Variants in DYNC2H1 observed in about 807,000 individuals in gnomAD.
DYNC2H1 encodes the protein cytoplasmic dynein 2 heavy chain 1.
A neutral mutation model predicts 570.0 loss-of-function variants in DYNC2H1; 410 were observed. The ratio of observed to expected loss-of-function variants is 0.72; its 90% CI spans 0.66 to 0.78. DYNC2H1 has a LOEUF of 0.78. Ranked by LOEUF, DYNC2H1 falls within the 30% of genes least tolerant of loss-of-function variation. The pLI, the probability that DYNC2H1 is intolerant of heterozygous loss-of-function variation, is 0.00. For synonymous variants in DYNC2H1, 1,688 were observed against 1,677.6 expected, an observed-to-expected ratio of 1.01 and a Z score of -0.15; for missense variants, 4,865 against 5,046.4, an observed-to-expected ratio of 0.96 and a Z score of 1.09.
intron 78 of DYNC2H1, among the ~76,000 whole-genome samples, chr11:103,310,042 A>G (rs1268119028): frequency 6.6e-6 from 1 of 152,138 alleles, no homozygotes; most frequent in Non-Finnish European, 1.5e-5. Context: ...CAAAATGATT[A>G]TATGTATGTG....
intron 71 of DYNC2H1, among the ~76,000 whole-genome samples, chr11:103,281,678 C>T (rs937738685): frequency 6.7e-6 from 1 of 148,308 alleles, no homozygotes; most frequent in Non-Finnish European, 1.5e-5. Flanking sequence ...TTTCTTGGCA[C>T]TGGATTCTGC....
intron 50 of DYNC2H1, 41 bp downstream of exon 50, chr11:103,200,195 G>C: frequency 7.3e-7 from 1 of 1,362,578 alleles, no homozygotes; most frequent in Non-Finnish European, 1.0e-6. Context: ...AAAAATAATG[G>C]CATAAAAATT....
intron 31 of DYNC2H1, among the ~76,000 whole-genome samples, chr11:103,166,453 T>A (rs555453567): frequency 1.3e-5 from 2 of 152,286 alleles, no homozygotes; most frequent in African/African-American, 4.8e-5. Context: ...GTTCCAGGTT[T>A]CCTTCTGGTG....
chr11:103,332,311 G>GAA (rs1938851859), intron 82 of DYNC2H1, among the ~76,000 whole-genome samples: 1 of 99,142 alleles, frequency 1.0e-5, no homozygotes, highest in Non-Finnish European at 1.9e-5. Flanking sequence ...AAAAAAACTG[G>GAA]GAAAAAAAAA....
chr11:103,337,262 A>G (rs955328655), intron 82 of DYNC2H1, among the ~76,000 whole-genome samples: 5 of 152,202 alleles, frequency 3.3e-5, no homozygotes, highest in East Asian at 1.9e-4. Flanking sequence ...CTTGCTGTCA[A>G]TAAATATGTG....
intron 4 of DYNC2H1, among the ~76,000 whole-genome samples, chr11:103,115,532 T>C (rs1481036738): frequency 6.6e-6 from 1 of 152,200 alleles, no homozygotes; most frequent in Admixed American, 6.5e-5. Context: ...GCATGGTGAC[T>C]CACACCTGTA....
At chr11:103,346,952 C>T (rs1449157795) in intron 82 of DYNC2H1, among the ~76,000 whole-genome samples, 1 of 152,170 alleles carries the variant, frequency 6.6e-6, no homozygotes, top group Non-Finnish European at 1.5e-5. Context: ...TAAGCTGTCA[C>T]CACCTGTACC....
intron 65 of DYNC2H1, 30 bp from the exon 66 acceptor site, chr11:103,253,255 A>T (rs1565433697): frequency 6.3e-7 from 1 of 1,587,696 alleles, no homozygotes. Context: ...GAAGATTCAG[A>T]CCAACCAATT....
At chr11:103,295,238 G>T (rs1385604617) in intron 75 of DYNC2H1, among the ~76,000 whole-genome samples, 1 of 152,160 alleles carries the variant, frequency 6.6e-6, no homozygotes, top group African/African-American at 2.4e-5. Context: ...CTTCCCTCTG[G>T]CCCCGGGCTG....
rs922269463 is a variant in DYNC2H1 at position 103,209,084 on chromosome 11, A to T, written c.8455-792A>T. ...TTATGGTACATTCGAACTCTGCATT[A>T]ATGAAGACATCTTTTGGCTTACATT... is the stretch of plus-strand genomic sequence containing the variant. On this transcript the variant is annotated intron_variant, in intron 52 of 88. Transcript: ENST00000375735. This position sits in a 1 kb window ranked among gnomAD's most constrained non-coding sequence, Gnocchi z 4.2. Among the ~76,000 whole-genome samples the T allele has an allele frequency of 7.2e-5, 11 of 152,198 alleles. No individual in the cohort carries two copies. In the East Asian group the frequency reaches 2.1e-3, roughly 29 times the overall value.
intron 84 of DYNC2H1, 80 bp downstream of exon 84, chr11:103,399,952 CAT>C: frequency 8.1e-7 from 1 of 1,232,540 alleles, no homozygotes; most frequent in Admixed American, 2.1e-5. Flanking sequence ...TGTCAGGAAT[CAT>C]ATAGTTAATA....
rs74890708 is a variant in DYNC2H1 at position 103,199,866 on chromosome 11, G to A, written c.8089-180G>A. 1.6e-3 allele frequency among the ~76,000 whole-genome samples: 250 copies of A among 152,228 alleles called. 8 individuals carry two copies. In the East Asian group the frequency reaches 0.046, roughly 28 times the overall value. ...CTGTAAAATAATTAGTATTTACTTA[G>A]GGGTTGGATTTACTTTCCAAATTAT... On this transcript the variant is annotated intron_variant, in intron 49 of 88. Coordinates refer to ENST00000375735, the MANE Select transcript of DYNC2H1 (RefSeq NM_001377.3). The surrounding 1 kb of genome is among the most constrained non-coding windows in gnomAD (Gnocchi z 4.6).
Position 103,324,589 on chromosome 11 carries a change from C to T in DYNC2H1, c.12039+599C>T, listed in dbSNP as rs764900712. Among the ~76,000 whole-genome samples the T allele has an allele frequency of 6.6e-6, 1 of 152,176 alleles. No homozygotes were observed. Among genetic ancestry groups the T allele is most frequent in the Non-Finnish European group, 1.5e-5 (1 of 68,030 alleles). On this transcript the variant is annotated intron_variant, in intron 82 of 88. Transcript: ENST00000375735. The surrounding 1 kb of genome is among the most constrained non-coding windows in gnomAD (Gnocchi z 5.2). The stretch of plus-strand genomic sequence containing the variant: ...CATATTCCATGTTGTCTATGTATCA[C>T]ATTTTCTTTATTCAGTCTACCATTG...
intron 73 of DYNC2H1, among the ~76,000 whole-genome samples, chr11:103,285,895 A>G (rs1866333087): frequency 6.6e-6 from 1 of 152,196 alleles, no homozygotes; most frequent in Non-Finnish European, 1.5e-5. Flanking sequence ...GTCTTTGTTA[A>G]TATGAAATTT....
chr11:103,216,806 A>G (rs1863404120), intron 55 of DYNC2H1, among the ~76,000 whole-genome samples: 3 of 152,008 alleles, frequency 2.0e-5, no homozygotes, highest in Non-Finnish European at 4.4e-5. Context: ...AAAAAATTCA[A>G]TTTTATCTGT....
chr11:103,200,363 ATATT>A (rs1409734567), intron 50 of DYNC2H1, among the ~76,000 whole-genome samples: 11 of 152,182 alleles, frequency 7.2e-5, no homozygotes, highest in African/African-American at 2.7e-4. Context: ...AAAATTGTTA[ATATT>A]GAGTATTGGT....
At chr11:103,153,251 C>A in intron 21 of DYNC2H1, 52 bp from the exon 22 acceptor site, 1 of 1,434,916 alleles carries the variant, frequency 7.0e-7, no homozygotes, top group Non-Finnish European at 9.2e-7. Context: ...AGTATGAACC[C>A]AAAATGAAAT....
At position 103,325,287 on chromosome 11, in the gene DYNC2H1, G is replaced by T. The variant is rs761878897; in HGVS notation, c.12039+1297G>T. ...TTTGTCATGAAATTTTTGGGCCAGG[G>T]CCAATGTTCAGAATTGTATTTCCTA... On this transcript the variant is annotated intron_variant, in intron 82 of 88. Coordinates refer to ENST00000375735, the MANE Select transcript of DYNC2H1 (RefSeq NM_001377.3). This position sits in a 1 kb window ranked among gnomAD's most constrained non-coding sequence, Gnocchi z 4.8. Among the ~76,000 whole-genome samples, 8 of 152,148 alleles carry T rather than the reference G, an allele frequency of 5.3e-5. No individual in the cohort carries two copies. Among genetic ancestry groups the T allele is most frequent in the Non-Finnish European group, 8.8e-5 (6 of 68,034 alleles).
intron 87 of DYNC2H1, among the ~76,000 whole-genome samples, chr11:103,457,865 T>C (rs1944850001): frequency 6.6e-6 from 1 of 152,160 alleles, no homozygotes; most frequent in African/African-American, 2.4e-5. Flanking sequence ...CAAAACACTT[T>C]TTACTTTATA....
Sources: allele counts gnomAD v4.1 joint callset (sites outside exome capture counted in the v4.1 genomes callset), GRCh38; gene constraint gnomAD v4.1.1; non-coding constraint Gnocchi (gnomAD v3.1); transcripts MANE v1.5; gene names NCBI Gene and HGNC (gene_info 2026-07-23, HGNC 2026-07-21).